Variants in VPS52 observed in about 807,000 individuals in gnomAD.
VPS52 encodes vacuolar protein sorting-associated protein 52 homolog.
A neutral mutation model predicts 98.7 loss-of-function variants in VPS52; 56 were observed. The ratio of observed to expected loss-of-function variants is 0.57; its 90% CI spans 0.46 to 0.71. VPS52 has a LOEUF of 0.71. Ranked by LOEUF, VPS52 falls within the 30% of genes least tolerant of loss-of-function variation. The pLI is 0.00. For missense variants in VPS52, 742 were observed against 925.9 expected, an observed-to-expected ratio of 0.80 and a Z score of 2.58; for synonymous variants, 348 against 346.4, an observed-to-expected ratio of 1.00 and a Z score of -0.05.
rs1764537761 is a variant in VPS52 at position 33,267,945 on chromosome 6, T to G, written c.853A>C (p.Arg285=). 1 of 1,613,014 alleles carries G rather than the reference T, an allele frequency of 6.2e-7. No homozygotes were observed. The highest frequency in any genetic ancestry group is 1.7e-5 in the Admixed American group (1 of 59,992). ...GNERATAKEI[R]DEYVETLSKI... ...CTCAGCGTCTCCACATATTCATCCC[T>G]GATCTCCTTTGCTGTTGCTCGTTCA... The change falls in exon 9 of 20, where the codon AGG becomes CGG. Residue 285 remains arginine (R), a synonymous_variant. Transcript: ENST00000445902. The surrounding 1 kb of genome is among the most constrained non-coding windows in gnomAD (Gnocchi z 4.2).
chr6:33,255,685 G>A (rs407819), intron 17 of VPS52, among the ~76,000 whole-genome samples: 17,845 of 151,448 alleles, frequency 0.12, 1,148 homozygotes, highest in South Asian at 0.2. Context: ...TCAGCTACTC[G>A]GGAGGCTGAG....
chr6:33,253,509 A>C (rs1762565234), intron 17 of VPS52, among the ~76,000 whole-genome samples: 1 of 152,020 alleles, frequency 6.6e-6, no homozygotes, highest in Admixed American at 6.6e-5. Flanking sequence ...AAAAAAAAAA[A>C]AATCACTTAT....
In VPS52 at chr6:33,268,291, A is replaced by T; in HGVS notation, c.700-83T>A. The T allele has an allele frequency of 2.1e-6, 3 of 1,440,032 alleles. No homozygotes were observed. The South Asian group carries it at 3.5e-5, about 17-fold the overall frequency. The allele number at this position is 1,440,032 out of a possible 1,614,324, so 89.2% of individuals were successfully genotyped here. On this transcript the variant is annotated intron_variant, in intron 7 of 19. Coordinates refer to ENST00000445902, the MANE Select transcript of VPS52 (RefSeq NM_022553.6). The surrounding 1 kb of genome is among the most constrained non-coding windows in gnomAD (Gnocchi z 4.0). Reference sequence around the variant, plus strand: ...GGAACTGGGGGAAGCAACAAATGGTAAACATAGGCAGAAGGGTGGTGAATA... The same window carrying T: ...GGAACTGGGGGAAGCAACAAATGGTTAACATAGGCAGAAGGGTGGTGAATA...
rs373887593 is a variant in VPS52, at chr6:33,264,898, T to C, written c.1284A>G (p.Lys428=). The C allele has an allele frequency of 3.1e-6, 5 of 1,611,402 alleles. No homozygotes were observed. Among genetic ancestry groups the C allele is most frequent in the Non-Finnish European group, 4.2e-6 (5 of 1,178,672 alleles). Residue 428 remains lysine, a splice_region_variant and synonymous_variant, in exon 13 of 20, where the codon AAA becomes AAG. Coordinates refer to ENST00000445902, the MANE Select transcript of VPS52 (RefSeq NM_022553.6). ...AGTCAGCTAGATAAGAATCCAGGTG[T>C]TTCTGTGTGATTGGGGAACAAACAG... ...VMGRTLSMTL[K]HLDSYLADCY...
In VPS52 at chr6:33,263,964, G is replaced by C. The variant is rs752499446; in HGVS notation, c.1620+44C>G. ...GCTCCTCCTCAGACTCCACCCACTG[G>C]AAGCAGCCCTGCTGCTGGGAAGTGT... On this transcript the variant is annotated intron_variant, in intron 15 of 19. Coordinates refer to ENST00000445902, the MANE Select transcript of VPS52 (RefSeq NM_022553.6). 2.5e-6 allele frequency: 4 copies of C among 1,612,282 alleles called. No homozygotes were observed. In the East Asian group the frequency reaches 6.7e-5, roughly 27 times the overall value.
chr6:33,256,494 A>AAAAAAAAAAAAAAAAAAAAAAAAC (rs1762988995), intron 17 of VPS52, among the ~76,000 whole-genome samples: 1 of 142,808 alleles, frequency 7.0e-6, no homozygotes, highest in Non-Finnish European at 1.5e-5. Flanking sequence ...AAAAAAAAAA[A>AAAAAAAAAAAAAAAAAAAAAAAAC]AAAAAAAAAG....
chr6:33,257,860 A>T (rs1452337709), intron 17 of VPS52, among the ~76,000 whole-genome samples: 1 of 152,102 alleles, frequency 6.6e-6, no homozygotes, highest in African/African-American at 2.4e-5. Flanking sequence ...AACAACAACA[A>T]CAAAAATTAG....
rs61730290 is a variant in VPS52, at chr6:33,263,795, C to G, written c.1705G>C (p.Asp569His). Residue 569 changes from aspartate (D) to histidine (H), a missense_variant, in exon 16 of 20, where the codon GAC becomes CAC. Asp to His is a moderately conservative substitution (Grantham distance 81, BLOSUM62 -1). Transcript: ENST00000445902. ...EQLVFLINNY[D>H]MMLGVLMERA... ...ACCATCAGCACACCCAGCATCATGT[C>G]ATAGTTGTTGATCAGAAACACAAGC... 8 of 1,614,098 alleles carry G rather than the reference C, an allele frequency of 5.0e-6. 1 individual carries two copies. The Middle Eastern group carries it at 9.9e-4, about 199-fold the overall frequency.
rs1370493929 is a variant in VPS52, at chr6:33,268,077, G to C, written c.800+31C>G. On this transcript the variant is annotated intron_variant, in intron 8 of 19. Coordinates refer to ENST00000445902, the MANE Select transcript of VPS52 (RefSeq NM_022553.6). The surrounding 1 kb of genome is among the most constrained non-coding windows in gnomAD (Gnocchi z 4.0). The stretch of plus-strand genomic sequence containing the variant: ...CACTAGGCCGCTCAAAAACTCAAAG[G>C]CCATCCCATGCACTTCCTTGGGGTT... 1 of 1,612,968 alleles carries C rather than the reference G, an allele frequency of 6.2e-7. No homozygotes were observed. Among genetic ancestry groups the C allele is most frequent in the Non-Finnish European group, 8.5e-7 (1 of 1,179,970 alleles).
At chr6:33,266,427 C>T in intron 12 of VPS52, 130 bp downstream of exon 12, 8 of 1,276,510 alleles carry the variant, frequency 6.3e-6, no homozygotes, top group Non-Finnish European at 8.5e-6. Context: ...ACTACCACGC[C>T]CAGCCAAGGC....
At chr6:33,259,580 T>C (rs972233630) in intron 17 of VPS52, among the ~76,000 whole-genome samples, 1 of 152,028 alleles carries the variant, frequency 6.6e-6, no homozygotes, top group African/African-American at 2.4e-5. Flanking sequence ...TCCAAAATGC[T>C]CCAAAATCCG....
Position 33,267,394 on chromosome 6 carries a change from C to A in VPS52, c.992-73G>T. 2 of 1,514,442 alleles carry A rather than the reference C, an allele frequency of 1.3e-6. No individual in the cohort carries two copies. The highest frequency in any genetic ancestry group is 4.6e-5 in the East Asian group (2 of 43,346). The allele number at this position is 1,514,442 out of a possible 1,614,324, so 93.8% of individuals were successfully genotyped here. On this transcript the variant is annotated intron_variant, in intron 10 of 19. Transcript: ENST00000445902. The surrounding 1 kb of genome is among the most constrained non-coding windows in gnomAD (Gnocchi z 4.2). ...CAAAGACTCACTATCTGTGGGGACC[C>A]CAGACAGGCAGACGTGGCCTAGCCA...
At chr6:33,254,946 C>T (rs1762755805) in intron 17 of VPS52, 1 of 152,130 alleles carries the variant, frequency 6.6e-6, no homozygotes, top group Non-Finnish European at 1.5e-5. Context: ...GCTGGGATTA[C>T]AGGTGTGAGC....
At position 33,269,280 on chromosome 6, in the gene VPS52, A is replaced by G; in HGVS notation, c.373-91T>C. The G allele has an allele frequency of 1.9e-6, 3 of 1,555,980 alleles. No homozygotes were observed. The South Asian group carries it at 3.5e-5, about 18-fold the overall frequency. ...ACTCTTTGTGAAGTCTTCAGTATTT[A>G]TCAGTCCTTGAGGGTGGCAGATGAT... On this transcript the variant is annotated intron_variant, in intron 5 of 19. Coordinates refer to ENST00000445902, the MANE Select transcript of VPS52 (RefSeq NM_022553.6).
At position 33,269,087 on chromosome 6, in the gene VPS52, G is replaced by A. The variant is rs778967567; in HGVS notation, c.475C>T (p.Arg159Ter). 5.6e-6 allele frequency: 9 copies of A among 1,612,836 alleles called. No individual in the cohort carries two copies. Among genetic ancestry groups the A allele is most frequent in the African/African-American group, 5.3e-5 (4 of 74,890 alleles). The change falls in exon 6 of 20, where the codon CGA becomes TGA. Residue 159 changes from arginine to a stop codon, truncating the protein, a stop_gained. Transcript: ENST00000445902. LOFTEE classifies it high-confidence loss of function. The stretch of plus-strand genomic sequence containing the variant: ...TTCCCCCGAACTGCCTGGCGATTTC[G>A]AAGTCGAATGTTCATGGCTCCTGAC... ...EQSGAMNIRL[R>*]NRQAVRGKLG...
intron 17 of VPS52, among the ~76,000 whole-genome samples, chr6:33,257,163 G>C (rs1233633580): frequency 3.9e-5 from 6 of 151,930 alleles, no homozygotes; most frequent in Admixed American, 3.3e-4. Context: ...CTGAGTAGCA[G>C]AGACTACAGG....
At chr6:33,258,648 A>C (rs2150814510) in intron 17 of VPS52, among the ~76,000 whole-genome samples, 1 of 152,156 alleles carries the variant, frequency 6.6e-6, no homozygotes, top group South Asian at 2.1e-4. Context: ...GCAGTGGCAT[A>C]ATCTTGGCTC....
intron 5 of VPS52, 74 bp downstream of exon 5, chr6:33,269,416 G>T: frequency 6.3e-7 from 1 of 1,587,090 alleles, no homozygotes; most frequent in South Asian, 1.1e-5. Flanking sequence ...TGAGGCTGAT[G>T]ACCTAAAAAT....
In VPS52 at chr6:33,264,405, C is replaced by T. The variant is rs752665333; in HGVS notation, c.1493G>A (p.Arg498His). ...GGGCCGAGTATCCAACCCCCCTAGG[C>T]GCTGGGGGTCAGTGCTTCGGACGCT... ...VQSVRSTDPQ[R>H]LGGLDTRPHY... is the part of the protein sequence containing the mutation. Residue 498 changes from arginine (R) to histidine (H), a missense_variant, in exon 14 of 20, where the codon CGC becomes CAC. Coordinates refer to ENST00000445902, the MANE Select transcript of VPS52 (RefSeq NM_022553.6). 3.6e-5 allele frequency: 58 copies of T among 1,614,192 alleles called. No homozygotes were observed. Among genetic ancestry groups the T allele is most frequent in the Non-Finnish European group, 4.7e-5 (56 of 1,180,038 alleles).
Sources: allele counts gnomAD v4.1 joint callset (sites outside exome capture counted in the v4.1 genomes callset), GRCh38; gene constraint gnomAD v4.1.1; non-coding constraint Gnocchi (gnomAD v3.1); transcripts MANE v1.5; gene names NCBI Gene and HGNC (gene_info 2026-07-23, HGNC 2026-07-21).